The following ELOVL7 variants were observed in gnomAD, a reference collection of about 807,000 sequenced individuals.
The protein encoded by ELOVL7 is very long chain fatty acid elongase 7.
ELOVL7 carries 27 observed loss-of-function variants against 35.7 expected under a neutral mutation model. The ratio of observed to expected loss-of-function variants is 0.76; its 90% CI spans 0.56 to 1.04. The LOEUF (loss-of-function observed/expected upper bound fraction) is 1.04, where lower values mean the gene tolerates loss of function less well. Ranked by LOEUF, ELOVL7 falls within the 50% of genes least tolerant of loss-of-function variation. The pLI is 0.00. For synonymous variants in ELOVL7, 113 were observed against 114.6 expected, an observed-to-expected ratio of 0.99 and a Z score of 0.09; for missense variants, 327 against 340.8, an observed-to-expected ratio of 0.96 and a Z score of 0.32.
At chr5:60,826,964 A>C (rs1213446740) in intron 1 of ELOVL7, among the ~76,000 whole-genome samples, 2 of 152,188 alleles carry the variant, frequency 1.3e-5, no homozygotes, top group African/African-American at 4.8e-5. Context: ...GACTAAAATG[A>C]TTGTTATTAA....
intron 3 of ELOVL7, 91 bp downstream of exon 3, chr5:60,787,243 C>G: frequency 9.0e-7 from 1 of 1,114,176 alleles, no homozygotes; most frequent in South Asian, 1.4e-5. Context: ...GTTGCAAAGT[C>G]TCTCATTCTG....
chr5:60,773,148 AT>A (rs1249250909), intron 3 of ELOVL7, among the ~76,000 whole-genome samples: 1 of 152,208 alleles, frequency 6.6e-6, no homozygotes, highest in Non-Finnish European at 1.5e-5. Context: ...TAAGTCTATA[AT>A]TTCTAGTAGT....
Position 60,752,089 on chromosome 5 carries a change from G to A in ELOVL7, c.*2535C>T, listed in dbSNP as rs1741311628. 1 of 152,004 alleles carries A rather than the reference G, an allele frequency of 6.6e-6. No homozygotes were observed. Among genetic ancestry groups the A allele is most frequent in the Admixed American group, 6.6e-5 (1 of 15,256 alleles). The allele number at this position is 152,004 out of a possible 1,614,324, so 9.4% of individuals were successfully genotyped here. On this transcript the variant is annotated 3_prime_UTR_variant, in exon 9 of 9. Transcript: ENST00000508821. The stretch of plus-strand genomic sequence containing the variant: ...GTTGTTGTTGTTGCTTGTTAGGTAA[G>A]CAAACCCAAACAAATTAAGTCCTGA...
chr5:60,775,948 CA>C lies in ELOVL7; in HGVS notation c.65-3856del, dbSNP rs199887729. ...GGCAAAGGCTTTATGACCAAGTCCT[CA>C]AAAGCAATTGCAACACAAATAAAAA... On this transcript the variant is annotated intron_variant, in intron 3 of 8. Coordinates refer to ENST00000508821, the MANE Select transcript of ELOVL7 (RefSeq NM_024930.3). Among the ~76,000 whole-genome samples, 148 of 152,264 alleles carry C rather than the reference CA, an allele frequency of 9.7e-4. 3 individuals carry two copies. The East Asian group carries it at 0.027, about 28-fold the overall frequency.
chr5:60,823,441 CG>C (rs1190877708), intron 1 of ELOVL7, among the ~76,000 whole-genome samples: 1 of 152,164 alleles, frequency 6.6e-6, no homozygotes. Flanking sequence ...CAGGAAGGCA[CG>C]GACTATAACT....
chr5:60,827,867 G>A (rs1362971571), intron 1 of ELOVL7, among the ~76,000 whole-genome samples: 1 of 151,946 alleles, frequency 6.6e-6, no homozygotes, highest in Non-Finnish European at 1.5e-5. Context: ...CCCAACCTTG[G>A]CCTCCCATCC....
intron 1 of ELOVL7, among the ~76,000 whole-genome samples, chr5:60,831,715 T>C (rs1746490494): frequency 6.6e-6 from 1 of 152,256 alleles, no homozygotes; most frequent in Admixed American, 6.5e-5. Flanking sequence ...ATCCTCTTTA[T>C]TAGGGCCAAT....
intron 3 of ELOVL7, among the ~76,000 whole-genome samples, chr5:60,773,952 T>C (rs936074070): frequency 6.6e-6 from 1 of 151,590 alleles, no homozygotes; most frequent in African/African-American, 2.4e-5. Flanking sequence ...AAAAACACTA[T>C]TTTTTTTGTA....
intron 2 of ELOVL7, among the ~76,000 whole-genome samples, chr5:60,788,239 A>G (rs1338766092): frequency 1.3e-5 from 2 of 152,154 alleles, no homozygotes; most frequent in Non-Finnish European, 2.9e-5. Context: ...GTATTTTAAC[A>G]TCTGTAAAAT....
rs1488437999 is a variant in ELOVL7, at chr5:60,754,313, G to C, written c.*311C>G. On this transcript the variant is annotated 3_prime_UTR_variant, in exon 9 of 9. Transcript: ENST00000508821. Reference sequence around the variant, plus strand: ...CATCTTTATTGGACTTCTTTGAAGAGTACTGTATTGCTTCATATCTTTTTT... The same window carrying C: ...CATCTTTATTGGACTTCTTTGAAGACTACTGTATTGCTTCATATCTTTTTT... 11 of 308,862 alleles carry C rather than the reference G, an allele frequency of 3.6e-5. No homozygotes were observed. The highest frequency in any genetic ancestry group is 5.5e-5 in the Non-Finnish European group (9 of 164,012). The allele number at this position is 308,862 out of a possible 1,614,324, so 19.1% of individuals were successfully genotyped here.
chr5:60,782,996 T>C (rs543360619), intron 3 of ELOVL7, among the ~76,000 whole-genome samples: 2 of 152,354 alleles, frequency 1.3e-5, no homozygotes, highest in African/African-American at 4.8e-5. Flanking sequence ...ATTGATTTAA[T>C]CATTTTATAT....
At position 60,757,535 on chromosome 5, in the gene ELOVL7, T is replaced by C; in HGVS notation, c.610A>G (p.Lys204Glu). ...GPAYQKYLWW[K>E]KYLTSLQLVQ... ...AGCTGTAATGATGTCAAATATTTTT[T>C]CCACCACAAATACTTCTGGTAGGCT... is the stretch of plus-strand genomic sequence containing the variant. Residue 204 changes from lysine to glutamate, a missense_variant, in exon 8 of 9, where the codon AAA (lysine) becomes GAA (glutamate). Coordinates refer to ENST00000508821, the MANE Select transcript of ELOVL7 (RefSeq NM_024930.3). 1 of 1,613,488 alleles carries C rather than the reference T, an allele frequency of 6.2e-7. No individual in the cohort carries two copies. Among genetic ancestry groups the C allele is most frequent in the Non-Finnish European group, 8.5e-7 (1 of 1,179,578 alleles).
chr5:60,833,052 C>T (rs1037543653), intron 1 of ELOVL7, among the ~76,000 whole-genome samples: 1 of 152,130 alleles, frequency 6.6e-6, no homozygotes, highest in Admixed American at 6.5e-5. Context: ...CTACAGTAAC[C>T]TCTGTAGGAG....
intron 3 of ELOVL7, among the ~76,000 whole-genome samples, chr5:60,776,918 T>A (rs1322919282): frequency 6.6e-6 from 1 of 152,182 alleles, no homozygotes; most frequent in Non-Finnish European, 1.5e-5. Context: ...TAGGAGATTA[T>A]TTTGAAATAC....
chr5:60,826,240 G>A (rs965306673), intron 1 of ELOVL7, among the ~76,000 whole-genome samples: 2 of 152,174 alleles, frequency 1.3e-5, no homozygotes, highest in Admixed American at 6.5e-5. Context: ...TTGTATTTAT[G>A]AGTACAGTTC....
At chr5:60,788,614 A>T (rs931450413) in intron 2 of ELOVL7, among the ~76,000 whole-genome samples, 8 of 151,916 alleles carry the variant, frequency 5.3e-5, no homozygotes, top group African/African-American at 1.9e-4. Flanking sequence ...ATCTCTACTA[A>T]AAATACAAAA....
At chr5:60,807,481 T>C (rs190952064) in intron 1 of ELOVL7, among the ~76,000 whole-genome samples, 1 of 149,844 alleles carries the variant, frequency 6.7e-6, no homozygotes, top group Admixed American at 6.6e-5. Flanking sequence ...CCAAACTGTA[T>C]CAGACCAAGT....
intron 2 of ELOVL7, among the ~76,000 whole-genome samples, chr5:60,796,361 T>C (rs1198063821): frequency 6.6e-6 from 1 of 152,216 alleles, no homozygotes; most frequent in African/African-American, 2.4e-5. Flanking sequence ...AAAGCAGGAT[T>C]TCTCAACCTC....
intron 1 of ELOVL7, among the ~76,000 whole-genome samples, chr5:60,808,669 A>G (rs759218618): frequency 6.6e-6 from 1 of 152,200 alleles, no homozygotes; most frequent in Non-Finnish European, 1.5e-5. Context: ...AAACTTGTAC[A>G]TGAATGTTTA....
Sources: gnomAD v4.1 joint callset for allele counts (sites outside exome capture counted in the v4.1 genomes callset) on GRCh38, gnomAD v4.1.1 for gene constraint, MANE v1.5 for transcripts, NCBI Gene and HGNC (gene_info 2026-07-23, HGNC 2026-07-21) for gene names.